The following TPM1 variants were observed in gnomAD, a reference collection of about 807,000 sequenced individuals.
TPM1 encodes tropomyosin 1, also known as tropomyosin alpha-1 chain.
TPM1 carries 24 observed loss-of-function variants against 42.9 expected under a neutral mutation model. The observed-to-expected ratio is 0.56, with a 90% CI of 0.41 to 0.79. The LOEUF (loss-of-function observed/expected upper bound fraction) is 0.79. TPM1 is among the 30% of genes least tolerant of loss of function. The probability of loss-of-function intolerance (pLI) is 0.00; values close to 1 mark genes in which losing one functional copy is unlikely to be tolerated. For synonymous variants in TPM1, 136 were observed against 130.1 expected (o/e 1.05, Z -0.31); for missense variants, 158 against 351.8 (o/e 0.45, Z 4.41).
At chr15:63,063,206 T>C in intron 8 of TPM1, 2 of 985,442 alleles carry the variant, frequency 2.0e-6, no homozygotes, top group Non-Finnish European at 2.4e-6. Context: ...CTCACAGATA[T>C]CCTAAATGTT....
At chr15:63,057,733 T>C (rs2035022779) in intron 3 of TPM1, among the ~76,000 whole-genome samples, 1 of 152,226 alleles carries the variant, frequency 6.6e-6, no homozygotes, top group African/African-American at 2.4e-5. Context: ...AGATTCAGCT[T>C]TGTGGTAGTA....
At chr15:63,070,295 T>C, downstream of TPM1, 1 of 844,968 alleles carries the variant, frequency 1.2e-6, no homozygotes, top group African/African-American at 2.8e-5. Context: ...AGTATGTATA[T>C]ATATATATAT....
downstream of TPM1, chr15:63,066,293 G>C (rs2036268297): frequency 1.3e-6 from 1 of 776,924 alleles, no homozygotes; most frequent in Non-Finnish European, 1.7e-6. Context: ...AAATACCCAG[G>C]CCTGCATTCC....
intron 2 of TPM1, among the ~76,000 whole-genome samples, chr15:63,055,424 G>A (rs770222733): frequency 7.9e-5 from 12 of 152,220 alleles, no homozygotes; most frequent in African/African-American, 2.9e-4. Context: ...AAGGTTCTCA[G>A]ATTCCTTTGA....
In TPM1 at chr15:63,066,160, C is replaced by T; in HGVS notation, c.*261C>T. On this transcript the variant is annotated 3_prime_UTR_variant, in exon 10 of 10. Coordinates refer to ENST00000403994, the MANE Select transcript of TPM1 (RefSeq NM_001018005.2). ...TTAGTTTCAACATTGAATAAAACTA[C>T]AAAGCTGCTTCACACATATGAGGGT... 6.9e-7 allele frequency: 1 copy of T among 1,452,840 alleles called. No homozygotes were observed. Among genetic ancestry groups the T allele is most frequent in the Non-Finnish European group, 9.0e-7 (1 of 1,113,650 alleles). 90.0% of individuals were successfully genotyped at this position (1,452,840 alleles called of 1,614,324 possible). A position where few individuals can be genotyped will look rare whatever the true frequency, so the allele number is the denominator to read the frequency against.
Position 63,044,128 on chromosome 15 carries a change from G to A in TPM1, c.216G>A (p.Glu72=). Reference sequence around the variant, plus strand: ...TCAAAGATGCCCAGGAGAAGCTGGAGCTGGCAGAGAAAAAGGCCACCGATG... The same window carrying A: ...TCAAAGATGCCCAGGAGAAGCTGGAACTGGCAGAGAAAAAGGCCACCGATG... ...EALKDAQEKL[E]LAEKKATDAE... Residue 72 remains glutamate, a synonymous_variant, in exon 2 of 10, where the codon GAG becomes GAA. Transcript: ENST00000403994. 6.2e-7 allele frequency: 1 copy of A among 1,614,236 alleles called. No individual in the cohort carries two copies. The highest frequency in any genetic ancestry group is 8.5e-7 in the Non-Finnish European group (1 of 1,180,034).
intron 3 of TPM1, among the ~76,000 whole-genome samples, chr15:63,057,536 C>T (rs1471556542): frequency 6.6e-6 from 1 of 152,092 alleles, no homozygotes; most frequent in Non-Finnish European, 1.5e-5. Flanking sequence ...TGTGGACTAT[C>T]AGTTGTCAAA....
chr15:63,070,346 C>T (rs997673804), downstream of TPM1: 97 of 987,612 alleles, frequency 9.8e-5, no homozygotes, highest in Non-Finnish European at 1.1e-4. Context: ...CTATCAGATA[C>T]TCATATTCCT....
chr15:63,062,338 C>T (rs550622057), intron 7 of TPM1, 61 bp downstream of exon 7: 20 of 1,517,872 alleles, frequency 1.3e-5, no homozygotes, highest in African/African-American at 4.1e-5. Context: ...TTCATGGAAC[C>T]GGTCAGGGCC....
intron 3 of TPM1, among the ~76,000 whole-genome samples, chr15:63,058,272 G>A (rs80349772): frequency 0.098 from 14,877 of 152,186 alleles, 1,108 homozygotes; most frequent in Admixed American, 0.23. Flanking sequence ...AGGGGACTTG[G>A]GGATCATTTA....
chr15:63,061,768 C>A lies in TPM1; in HGVS notation c.619C>A (p.Leu207Met). 1 of 1,614,124 alleles carries A rather than the reference C, an allele frequency of 6.2e-7. No homozygotes were observed. The highest frequency in any genetic ancestry group is 8.5e-7 in the Non-Finnish European group (1 of 1,179,992). The change falls in exon 6 of 10, where the codon CTG becomes ATG. Residue 207 changes from leucine to methionine, a missense_variant. Coordinates refer to ENST00000403994, the MANE Select transcript of TPM1 (RefSeq NM_001018005.2). ...AACTGTGACGAACAACTTGAAGTCACTGGAGGCTCAGGCTGAGAAGGTAGG... is the reference window on the plus strand; with the variant it reads ...AACTGTGACGAACAACTTGAAGTCAATGGAGGCTCAGGCTGAGAAGGTAGG... ...LKTVTNNLKS[L>M]EAQAEKYSQK...
rs141312952 is a variant in TPM1, at chr15:63,044,390, G to A, written c.240+238G>A. ...TTTACCTCCCTGGGGGTGGAGGTGGGTGGATGAGAGGCTGGGAGAATAGAG... is the reference window on the plus strand; with the variant it reads ...TTTACCTCCCTGGGGGTGGAGGTGGATGGATGAGAGGCTGGGAGAATAGAG... On this transcript the variant is annotated intron_variant, in intron 2 of 9. Coordinates refer to ENST00000403994, the MANE Select transcript of TPM1 (RefSeq NM_001018005.2). 2.0e-3 allele frequency: 1,274 copies of A among 652,318 alleles called. 20 individuals carry two copies. The highest frequency in any genetic ancestry group is 0.016 in the East Asian group (576 of 36,614). The allele number at this position is 652,318 out of a possible 1,614,324, so 40.4% of individuals were successfully genotyped here.
chr15:63,043,792 G>T, intron 1 of TPM1: 1 of 1,549,758 alleles, frequency 6.5e-7, no homozygotes, highest in East Asian at 2.4e-5. Flanking sequence ...TGCACAAGGC[G>T]GAGGACAGCC....
At chr15:63,058,031 A>T (rs368505490) in intron 3 of TPM1, among the ~76,000 whole-genome samples, 1 of 152,244 alleles carries the variant, frequency 6.6e-6, no homozygotes, top group African/African-American at 2.4e-5. Context: ...GGTACCAGGT[A>T]TAAAGAGTGA....
At chr15:63,048,755 C>T (rs536580682) in intron 2 of TPM1, 91 of 1,518,456 alleles carry the variant, frequency 6.0e-5, no homozygotes, top group Non-Finnish European at 7.7e-5. Context: ...CGCATCCTCC[C>T]GGGGCAGCCC....
In TPM1 at chr15:63,059,691, G is replaced by T; in HGVS notation, c.492+11G>T. On this transcript the variant is annotated intron_variant, in intron 4 of 9. Transcript: ENST00000403994. The stretch of plus-strand genomic sequence containing the variant: ...CGCAAATATGAAGAGGTCAGATCCT[G>T]GGGCCCAAAGCCTTGTGGACACCCA... The T allele has an allele frequency of 6.3e-7, 1 of 1,591,378 alleles. No individual in the cohort carries two copies. The highest frequency in any genetic ancestry group is 1.1e-5 in the South Asian group (1 of 90,378).
intron 2 of TPM1, chr15:63,046,886 C>A (rs550260229): frequency 6.6e-6 from 1 of 152,334 alleles, no homozygotes; most frequent in East Asian, 1.9e-4. Context: ...TAAAAAATAC[C>A]CAAGTGATTC....
chr15:63,064,468 GT>G (rs2036047037), intron 9 of TPM1: 4 of 1,140,834 alleles, frequency 3.5e-6, no homozygotes, highest in Non-Finnish European at 4.3e-6. Flanking sequence ...AGGCCATGCC[GT>G]TTGTTGTACA....
intron 5 of TPM1, 73 bp downstream of exon 5, chr15:63,061,012 G>A: frequency 1.3e-6 from 2 of 1,577,678 alleles, no homozygotes; most frequent in Non-Finnish European, 1.7e-6. Context: ...TGACCTTCTG[G>A]CAGCTGCACA....
Sources: allele counts gnomAD v4.1 joint callset (sites outside exome capture counted in the v4.1 genomes callset), GRCh38; gene constraint gnomAD v4.1.1; transcripts MANE v1.5; gene names NCBI Gene and HGNC (gene_info 2026-07-23, HGNC 2026-07-21).